The following MVB12B variants were observed in gnomAD, a reference collection of about 807,000 sequenced individuals.
MVB12B encodes the protein ESCRT-I complex subunit MVB12B.
A neutral mutation model predicts 41.6 loss-of-function variants in MVB12B; 16 were observed. The ratio of observed to expected loss-of-function variants is 0.38; its 90% CI spans 0.26 to 0.58. MVB12B has a LOEUF of 0.58. Ranked by LOEUF, MVB12B falls within the 20% of genes least tolerant of loss-of-function variation. The pLI, the probability that MVB12B is intolerant of heterozygous loss-of-function variation, is 0.62. For synonymous variants in MVB12B, 133 were observed against 139.7 expected, an observed-to-expected ratio of 0.95 and a Z score of 0.34; for missense variants, 274 against 380.2, an observed-to-expected ratio of 0.72 and a Z score of 2.32.
At chr9:126,331,650 G>A (rs1439130477) in intron 1 of MVB12B, among the ~76,000 whole-genome samples, 1 of 152,106 alleles carries the variant, frequency 6.6e-6, no homozygotes, top group Non-Finnish European at 1.5e-5. Flanking sequence ...AATATTATTT[G>A]CTATTCCGGT....
At chr9:126,361,593 T>C (rs1830031284) in intron 2 of MVB12B, among the ~76,000 whole-genome samples, 1 of 152,202 alleles carries the variant, frequency 6.6e-6, no homozygotes, top group South Asian at 2.1e-4. Flanking sequence ...AGGAACTTTT[T>C]TGAACATTTC....
rs920675272 is a variant in MVB12B, at chr9:126,498,887, C to G, written c.874-4290C>G. Among the ~76,000 whole-genome samples, 4 of 152,200 alleles carry G rather than the reference C, an allele frequency of 2.6e-5. No homozygotes were observed. The South Asian group carries it at 8.3e-4, about 31-fold the overall frequency. The stretch of plus-strand genomic sequence containing the variant: ...TTAGTGCAATTAATACTGAAATCAC[C>G]TGAGTGTTTTCAAAAAATGCTGGTG... On this transcript the variant is annotated intron_variant, in intron 9 of 9. Coordinates refer to ENST00000361171, the MANE Select transcript of MVB12B (RefSeq NM_033446.3).
intron 9 of MVB12B, among the ~76,000 whole-genome samples, chr9:126,490,157 G>T (rs1833702536): frequency 1.3e-5 from 2 of 152,200 alleles, no homozygotes; most frequent in South Asian, 4.1e-4. Flanking sequence ...GTAAGCAGTT[G>T]CCCCATTTCT....
intron 2 of MVB12B, among the ~76,000 whole-genome samples, chr9:126,363,585 G>T (rs1830084829): frequency 2.0e-5 from 3 of 152,332 alleles, no homozygotes; most frequent in African/African-American, 4.8e-5. Context: ...TTACTCACCT[G>T]CTTAGAATTG....
chr9:126,401,023 C>T (rs975205662), intron 6 of MVB12B, among the ~76,000 whole-genome samples: 2 of 152,214 alleles, frequency 1.3e-5, no homozygotes, highest in African/African-American at 4.8e-5. Context: ...GTTCCAGTAG[C>T]CTCACCCCAC....
chr9:126,360,490 C>T (rs13293880), intron 2 of MVB12B, among the ~76,000 whole-genome samples: 1 of 152,188 alleles, frequency 6.6e-6, no homozygotes, highest in Admixed American at 6.5e-5. Flanking sequence ...TGACTTCAGC[C>T]TAGAGTGTGA....
chr9:126,405,056 G>C (rs1831380886), intron 6 of MVB12B, among the ~76,000 whole-genome samples: 2 of 152,220 alleles, frequency 1.3e-5, no homozygotes, highest in African/African-American at 2.4e-5. Flanking sequence ...TGGGAAGTCA[G>C]AGCTTCTATT....
intron 5 of MVB12B, among the ~76,000 whole-genome samples, chr9:126,394,239 G>T (rs1003174662): frequency 6.6e-6 from 1 of 152,196 alleles, no homozygotes; most frequent in African/African-American, 2.4e-5. Context: ...CATACAAATG[G>T]CAGAAACCAG....
chr9:126,395,490 CTT>C lies in MVB12B; in HGVS notation c.540-82_540-81del. On this transcript the variant is annotated intron_variant, in intron 5 of 9. Coordinates refer to ENST00000361171, the MANE Select transcript of MVB12B (RefSeq NM_033446.3). The surrounding 1 kb of genome is among the most constrained non-coding windows in gnomAD (Gnocchi z 4.9). Reference sequence around the variant, plus strand: ...TTCCCTGGTGTTTGAGGCCATGACTCTTTTAAATGAATTGGTTTGCTTTGTCA... The same window carrying C: ...TTCCCTGGTGTTTGAGGCCATGACTCTTAAATGAATTGGTTTGCTTTGTCA... The C allele has an allele frequency of 1.3e-6, 2 of 1,524,410 alleles. No homozygotes were observed. The highest frequency in any genetic ancestry group is 2.4e-5 in the South Asian group (2 of 82,420). 94.4% of individuals were successfully genotyped at this position (1,524,410 alleles called of 1,614,324 possible).
chr9:126,454,842 A>G (rs1477737742), intron 7 of MVB12B, among the ~76,000 whole-genome samples: 2 of 151,940 alleles, frequency 1.3e-5, no homozygotes, highest in African/African-American at 2.4e-5. Context: ...TGTTCTTTAA[A>G]TGCTTTGACA....
At chr9:126,490,980 T>C (rs1199296466) in intron 9 of MVB12B, among the ~76,000 whole-genome samples, 1 of 152,258 alleles carries the variant, frequency 6.6e-6, no homozygotes, top group East Asian at 1.9e-4. Context: ...AAATCCGTCT[T>C]GATTATAATT....
intron 6 of MVB12B, among the ~76,000 whole-genome samples, chr9:126,400,838 C>T (rs988436966): frequency 6.6e-6 from 1 of 152,198 alleles, no homozygotes; most frequent in Non-Finnish European, 1.5e-5. Context: ...ATGCGGACAC[C>T]GTGTCTCCGT....
intron 7 of MVB12B, among the ~76,000 whole-genome samples, chr9:126,458,372 A>C (rs1436187389): frequency 6.6e-6 from 1 of 152,190 alleles, no homozygotes; most frequent in Non-Finnish European, 1.5e-5. Context: ...TATTATTTCT[A>C]GGCTGTTCGG....
At chr9:126,465,103 A>G (rs1226866954) in intron 7 of MVB12B, among the ~76,000 whole-genome samples, 1 of 152,198 alleles carries the variant, frequency 6.6e-6, no homozygotes, top group Non-Finnish European at 1.5e-5. Flanking sequence ...TATGAGTAGA[A>G]TCTGGGTGAG....
intron 2 of MVB12B, among the ~76,000 whole-genome samples, chr9:126,371,085 A>T (rs547662186): frequency 6.6e-6 from 1 of 152,318 alleles, no homozygotes; most frequent in Non-Finnish European, 1.5e-5. Flanking sequence ...TTGATTGACT[A>T]GTCCCTACTT....
intron 1 of MVB12B, among the ~76,000 whole-genome samples, chr9:126,329,421 T>C (rs1434871812): frequency 6.6e-6 from 1 of 152,212 alleles, no homozygotes; most frequent in African/African-American, 2.4e-5. Context: ...CCGATGTTTA[T>C]ACAGTTTGTT....
intron 6 of MVB12B, among the ~76,000 whole-genome samples, chr9:126,420,634 T>C (rs1160643653): frequency 1.5e-5 from 2 of 134,856 alleles, no homozygotes; most frequent in Non-Finnish European, 3.1e-5. Context: ...TAGAGTGCAA[T>C]GTGCAATGGC....
intron 6 of MVB12B, among the ~76,000 whole-genome samples, chr9:126,402,176 A>G (rs542526349): frequency 6.6e-6 from 1 of 152,326 alleles, no homozygotes; most frequent in Admixed American, 6.5e-5. Flanking sequence ...TGTAAGGTGC[A>G]TCATTTATGA....
intron 3 of MVB12B, among the ~76,000 whole-genome samples, chr9:126,385,539 G>GAGT (rs1468255876): frequency 6.6e-6 from 1 of 152,182 alleles, no homozygotes; most frequent in East Asian, 1.9e-4. Context: ...GTCCAGGGCA[G>GAGT]AGTGATGGCT....
Sources: gnomAD v4.1 joint callset for allele counts (sites outside exome capture counted in the v4.1 genomes callset) on GRCh38, gnomAD v4.1.1 for gene constraint, Gnocchi (gnomAD v3.1) non-coding constraint, MANE v1.5 for transcripts, NCBI Gene and HGNC (gene_info 2026-07-23, HGNC 2026-07-21) for gene names.